Variants in SYNPO2 observed in about 807,000 individuals in gnomAD.
The protein encoded by SYNPO2 is synaptopodin 2.
SYNPO2 carries 56 observed loss-of-function variants against 85.0 expected under a neutral mutation model. That is an observed-to-expected ratio of 0.66 (90% CI 0.53 to 0.82). The LOEUF (loss-of-function observed/expected upper bound fraction) is 0.82, where lower values mean the gene tolerates loss of function less well. Ranked by LOEUF, SYNPO2 falls within the 40% of genes least tolerant of loss-of-function variation. The pLI, the probability that SYNPO2 is intolerant of heterozygous loss-of-function variation, is 0.00. For synonymous variants in SYNPO2, 602 were observed against 591.1 expected (o/e 1.02, Z -0.27); for missense variants, 1,575 against 1,534.2 (o/e 1.03, Z -0.44).
At chr4:118,939,399 A>G (rs376609879) in intron 1 of SYNPO2, among the ~76,000 whole-genome samples, 4 of 152,346 alleles carry the variant, frequency 2.6e-5, no homozygotes, top group South Asian at 4.1e-4. Flanking sequence ...TGAAGAGGGA[A>G]CTTGGCGTTG....
chr4:118,994,681 GA>G (rs1560956631), intron 1 of SYNPO2, among the ~76,000 whole-genome samples: 1 of 152,194 alleles, frequency 6.6e-6, no homozygotes, highest in African/African-American at 2.4e-5. Flanking sequence ...CCTAGTGACA[GA>G]GTAAATTTAC....
chr4:119,012,567 G>T (rs1737361255), intron 1 of SYNPO2, among the ~76,000 whole-genome samples: 1 of 151,810 alleles, frequency 6.6e-6, no homozygotes, highest in Admixed American at 6.6e-5. Flanking sequence ...GACTCCAACA[G>T]GTTCCGGTGT....
In SYNPO2 at chr4:119,035,723, G is replaced by A. The variant is rs144272886; in HGVS notation, c.3252+3696G>A. ...AGGTTATTTAGCTATTCTAGAAAGT[G>A]CCGACTTCTTTCAAGAAGCAGGCAT... is the stretch of plus-strand genomic sequence containing the variant. On this transcript the variant is annotated intron_variant, in intron 4 of 4. Coordinates refer to ENST00000307142, the MANE Select transcript of SYNPO2 (RefSeq NM_133477.3). The A allele has an allele frequency of 4.3e-4, 426 of 984,264 alleles. 3 individuals carry two copies. In the African/African-American group the frequency reaches 6.7e-3, roughly 16 times the overall value. The allele number at this position is 984,264 out of a possible 1,614,324, so 61.0% of individuals were successfully genotyped here. A position where few individuals can be genotyped will look rare whatever the true frequency, so the allele number is the denominator to read the frequency against.
intron 1 of SYNPO2, among the ~76,000 whole-genome samples, chr4:118,900,737 GTCTGTCTATCTA>G (rs1463339521): frequency 1.2e-5 from 1 of 82,194 alleles, no homozygotes; most frequent in South Asian, 4.3e-4. Flanking sequence ...ATATATGTCT[GTCTGTCTATCTA>G]TCTATCTATC....
chr4:118,990,582 G>A (rs1331515043), intron 1 of SYNPO2, among the ~76,000 whole-genome samples: 1 of 152,084 alleles, frequency 6.6e-6, no homozygotes, highest in Admixed American at 6.5e-5. Context: ...TTCTGAGCAG[G>A]GAGGCTAAGC....
In SYNPO2 at chr4:119,057,615, T is replaced by C. The variant is rs773918484; in HGVS notation, c.3467T>C (p.Ile1156Thr). Residue 1156 changes from isoleucine (I) to threonine (T), a missense_variant, in exon 5 of 5, where the codon ATT becomes ACT. This residue lies in a region of SYNPO2 where 1,508 missense variants were observed against 1,446.8 expected (regional missense o/e 1.04). Coordinates refer to ENST00000307142, the MANE Select transcript of SYNPO2 (RefSeq NM_133477.3). ...CAACCCAGAAACATCCAGGAATCCATTGTGGCAAATGTGGTTTCAGCAGCT... is the reference window on the plus strand; with the variant it reads ...CAACCCAGAAACATCCAGGAATCCACTGTGGCAAATGTGGTTTCAGCAGCT... ...AFQPRNIQES[I>T]VANVVSAARR... is the part of the protein sequence containing the mutation. 64 of 1,613,960 alleles carry C rather than the reference T, an allele frequency of 4.0e-5. No homozygotes were observed. The highest frequency in any genetic ancestry group is 2.5e-4 in the South Asian group (23 of 91,054).
chr4:118,918,714 G>A (rs532232809), intron 1 of SYNPO2, among the ~76,000 whole-genome samples: 1 of 152,292 alleles, frequency 6.6e-6, no homozygotes, highest in East Asian at 1.9e-4. Flanking sequence ...TGCAGATAAA[G>A]TAAGTTGTTC....
chr4:119,052,222 T>A (rs1348039414), intron 4 of SYNPO2, among the ~76,000 whole-genome samples: 1 of 152,152 alleles, frequency 6.6e-6, no homozygotes, highest in Non-Finnish European at 1.5e-5. Flanking sequence ...GTGTTCCCCA[T>A]GGACCAGGCC....
rs772895577 is a variant in SYNPO2 at position 119,057,911 on chromosome 4, A to G, written c.3763A>G (p.Arg1255Gly). Residue 1255 changes from arginine (R) to glycine (G), a missense_variant, in exon 5 of 5, where the codon AGG (arginine) becomes GGG (glycine). Transcript: ENST00000307142. ...TGATTACAACTACAACCCACACCCAAGGGGATGGAGACGCCAAACATGAAA... is the reference window on the plus strand; with the variant it reads ...TGATTACAACTACAACCCACACCCAGGGGGATGGAGACGCCAAACATGAAA... ...VADYNYNPHP[R>G]GWRRQT The G allele has an allele frequency of 1.4e-5, 22 of 1,611,928 alleles. No homozygotes were observed. Among genetic ancestry groups the G allele is most frequent in the Non-Finnish European group, 1.7e-5 (20 of 1,179,028 alleles).
At chr4:119,021,260 C>T (rs1244625048) in intron 1 of SYNPO2, among the ~76,000 whole-genome samples, 1 of 152,100 alleles carries the variant, frequency 6.6e-6, no homozygotes, top group Non-Finnish European at 1.5e-5. Context: ...TAAAATGAAC[C>T]TCTAGATGTA....
At chr4:118,901,803 T>A (rs1732766504) in intron 1 of SYNPO2, among the ~76,000 whole-genome samples, 1 of 152,216 alleles carries the variant, frequency 6.6e-6, no homozygotes, top group Non-Finnish European at 1.5e-5. Context: ...GGGAAGTACA[T>A]AACTGTCTGT....
intron 1 of SYNPO2, among the ~76,000 whole-genome samples, chr4:118,970,163 C>T (rs1735483234): frequency 6.6e-6 from 1 of 152,112 alleles, no homozygotes; most frequent in African/African-American, 2.4e-5. Flanking sequence ...TGTTTTATTC[C>T]TGAATTATAA....
intron 1 of SYNPO2, among the ~76,000 whole-genome samples, chr4:119,007,259 T>TATATATATGTATATAC (rs1560972411): frequency 1.5e-4 from 7 of 47,782 alleles, no homozygotes; most frequent in African/African-American, 5.9e-4. Context: ...TATACATATA[T>TATATATATGTATATAC]ATATATATAT....
chr4:118,881,550 G>T (rs929182552), intron 1 of SYNPO2, among the ~76,000 whole-genome samples: 5 of 152,204 alleles, frequency 3.3e-5, no homozygotes, highest in African/African-American at 9.6e-5. Flanking sequence ...ACTTTCTTAT[G>T]CCCCGAGGGG....
intron 1 of SYNPO2, among the ~76,000 whole-genome samples, chr4:118,924,701 G>T (rs1733656328): frequency 6.6e-6 from 1 of 152,188 alleles, no homozygotes. Flanking sequence ...ATGATATGGA[G>T]AAATTTTCTT....
intron 1 of SYNPO2, among the ~76,000 whole-genome samples, chr4:118,996,681 C>T (rs906879396): frequency 1.3e-5 from 2 of 151,164 alleles, no homozygotes; most frequent in African/African-American, 4.9e-5. Context: ...CATGGTGAAA[C>T]CCCATTTCTA....
rs182020571 is a variant in SYNPO2 at position 118,878,861 on chromosome 4, C to A, written c.12+27921C>A. ...CCACCCCAGCCAGCAGAGGCACCCA[C>A]TCAGGTCCTTTTCTGTCTTGTGGAT... On this transcript the variant is annotated intron_variant, in intron 1 of 4. Transcript: ENST00000610556. 1.5e-4 allele frequency among the ~76,000 whole-genome samples: 23 copies of A among 152,370 alleles called. No individual in the cohort carries two copies. The East Asian group carries it at 4.2e-3, about 28-fold the overall frequency.
intron 1 of SYNPO2, among the ~76,000 whole-genome samples, chr4:118,876,971 AT>A (rs566934805): frequency 8.7e-4 from 125 of 144,434 alleles, no homozygotes; most frequent in South Asian, 6.6e-3. Context: ...ATCTAATTAA[AT>A]TTTTTTTTTT....
chr4:118,956,864 G>A (rs970213779), intron 1 of SYNPO2, among the ~76,000 whole-genome samples: 3 of 152,010 alleles, frequency 2.0e-5, no homozygotes, highest in Admixed American at 6.6e-5. Flanking sequence ...GGGCAACATG[G>A]TGAAACTCCG....
Sources: gnomAD v4.1 joint callset for allele counts (sites outside exome capture counted in the v4.1 genomes callset) on GRCh38, gnomAD v4.1.1 for gene constraint, gnomAD v4.1.1 regional missense constraint, MANE v1.5 for transcripts, NCBI Gene and HGNC (gene_info 2026-07-23, HGNC 2026-07-21) for gene names.